TMEM132B: variants seen among roughly 807,000 people sequenced by gnomAD.
TMEM132B encodes transmembrane protein 132B.
Under a neutral mutation model 90.8 loss-of-function variants are expected in TMEM132B, and 18 were observed. The ratio of observed to expected loss-of-function variants is 0.20; its 90% CI spans 0.14 to 0.29. The LOEUF is 0.29. TMEM132B is among the 10% of genes least tolerant of loss of function. The pLI is 1.00. For missense variants in TMEM132B, 1,096 were observed against 1,326.8 expected (o/e 0.83, Z 2.70); for synonymous variants, 504 against 523.3 (o/e 0.96, Z 0.50).
chr12:125,569,568 C>T (rs1385862730), intron 4 of TMEM132B, among the ~76,000 whole-genome samples: 2 of 152,152 alleles, frequency 1.3e-5, no homozygotes, highest in African/African-American at 4.8e-5. Context: ...ACTTAGGATG[C>T]AGGGGACATG....
At chr12:125,442,207 A>G (rs977685385) in intron 3 of TMEM132B, among the ~76,000 whole-genome samples, 2 of 152,264 alleles carry the variant, frequency 1.3e-5, no homozygotes, top group Non-Finnish European at 2.9e-5. Flanking sequence ...TTGCTGTGAA[A>G]TCTGCTGTCC....
At position 125,225,212 on chromosome 12, in the gene TMEM132B, G is replaced by A. The variant is rs143029050; in HGVS notation, c.67+38346G>A. On this transcript the variant is annotated intron_variant, in intron 1 of 8. Coordinates refer to ENST00000682704, the MANE Select transcript of TMEM132B (RefSeq NM_001366854.1). ...GCTGCCCAGGGCAGGGGCAGATGCA[G>A]TGATTCATGGTGTAACTTCCCTGGG... Among the ~76,000 whole-genome samples the A allele has an allele frequency of 4.9e-3, 748 of 152,366 alleles. 4 individuals carry two copies. Among genetic ancestry groups the A allele is most frequent in the African/African-American group, 0.017 (708 of 41,590 alleles).
intron 1 of TMEM132B, among the ~76,000 whole-genome samples, chr12:125,313,109 T>C (rs751176493): frequency 6.6e-6 from 1 of 152,198 alleles, no homozygotes; most frequent in Non-Finnish European, 1.5e-5. Context: ...TCTGGAATCT[T>C]GGGGCAAGCT....
In TMEM132B at chr12:125,288,819, T is replaced by C. The variant is rs144193974; in HGVS notation, c.68-60633T>C. Among the ~76,000 whole-genome samples the C allele has an allele frequency of 2.4e-4, 37 of 152,208 alleles. 1 individual carries two copies. The highest frequency in any genetic ancestry group is 8.2e-4 in the African/African-American group (34 of 41,536). On this transcript the variant is annotated intron_variant, in intron 1 of 8. Transcript: ENST00000682704. ...GCCAGATGTCCCCCTGGGGGCAAAA[T>C]CATCCCTGGTTGAGAACTTTTGTTT...
chr12:125,448,868 A>T (rs770230747), intron 3 of TMEM132B, among the ~76,000 whole-genome samples: 13 of 152,110 alleles, frequency 8.5e-5, no homozygotes, highest in Admixed American at 2.0e-4. Context: ...CCATCCTAGT[A>T]AGTATATAGG....
intron 3 of TMEM132B, among the ~76,000 whole-genome samples, chr12:125,453,908 A>T (rs1217799044): frequency 6.6e-6 from 1 of 151,982 alleles, no homozygotes; most frequent in East Asian, 1.9e-4. Context: ...GCCTTTTTGG[A>T]TTGTCCTGCC....
intron 3 of TMEM132B, among the ~76,000 whole-genome samples, chr12:125,511,860 A>AAAG (rs1300819169): frequency 4.0e-5 from 6 of 151,222 alleles, no homozygotes; most frequent in Non-Finnish European, 5.9e-5. Context: ...TCAAAAAAAA[A>AAAG]AAAAAAAAGA....
At chr12:125,509,786 G>A (rs999374922) in intron 3 of TMEM132B, among the ~76,000 whole-genome samples, 1 of 152,176 alleles carries the variant, frequency 6.6e-6, no homozygotes, top group Non-Finnish European at 1.5e-5. Flanking sequence ...AGCTGCGAAT[G>A]TTTGCCTCGG....
chr12:125,604,376 C>T (rs963979802), intron 5 of TMEM132B, among the ~76,000 whole-genome samples: 11 of 141,968 alleles, frequency 7.7e-5, no homozygotes, highest in African/African-American at 2.9e-4. Context: ...TGTTTTCACT[C>T]ATAAGTGGGA....
At chr12:125,560,688 G>A (rs1187928929) in intron 4 of TMEM132B, among the ~76,000 whole-genome samples, 9 of 152,006 alleles carry the variant, frequency 5.9e-5, no homozygotes, top group South Asian at 2.1e-4. Flanking sequence ...AGCCGGGCGC[G>A]GTGGCGGGTG....
chr12:125,436,924 G>A (rs1441668328), intron 3 of TMEM132B, among the ~76,000 whole-genome samples: 2 of 152,170 alleles, frequency 1.3e-5, no homozygotes, highest in African/African-American at 4.8e-5. Flanking sequence ...TCTGCCACCT[G>A]CAAGTGTCCT....
rs200168087 is a variant in TMEM132B, at chr12:125,376,278, CT to C, written c.959+25944del. 4.5e-3 allele frequency among the ~76,000 whole-genome samples: 680 copies of C among 151,682 alleles called. 5 individuals carry two copies. The highest frequency in any genetic ancestry group is 0.015 in the African/African-American group (637 of 41,328). ...CTTCTCTTTATGGAAATTGATATTG[CT>C]TTTTTTTTCCACTTCAAGTGCTGAT... On this transcript the variant is annotated intron_variant, in intron 2 of 8. Transcript: ENST00000682704.
rs934059382 is a variant in TMEM132B, at chr12:125,659,944, C to A, written c.*5234C>A. On this transcript the variant is annotated 3_prime_UTR_variant, in exon 9 of 9. Transcript: ENST00000682704. ...GTAACTGTTTTGCACTAACAGCTTC[C>A]TCCTTGTCTTTTCCCTGGGAACATG... The A allele has an allele frequency of 1.3e-5, 2 of 152,260 alleles. No homozygotes were observed. The highest frequency in any genetic ancestry group is 1.3e-4 in the Admixed American group (2 of 15,282). The allele number at this position is 152,260 out of a possible 1,614,324, so 9.4% of individuals were successfully genotyped here.
At chr12:125,244,902 C>T (rs942866313) in intron 1 of TMEM132B, among the ~76,000 whole-genome samples, 31 of 152,270 alleles carry the variant, frequency 2.0e-4, no homozygotes, top group African/African-American at 6.3e-4. Flanking sequence ...GTCACCCCTG[C>T]CCCCACCATC....
chr12:125,595,419 GA>G (rs1156902718), intron 5 of TMEM132B, among the ~76,000 whole-genome samples: 1 of 152,122 alleles, frequency 6.6e-6, no homozygotes. Flanking sequence ...GGGATTTGGG[GA>G]AATTTGCTTT....
At chr12:125,540,002 T>C (rs1304647083) in intron 4 of TMEM132B, among the ~76,000 whole-genome samples, 1 of 152,220 alleles carries the variant, frequency 6.6e-6, no homozygotes, top group Non-Finnish European at 1.5e-5. Context: ...TAAGTTCTCA[T>C]AAGTTGTATT....
intron 5 of TMEM132B, chr12:125,622,581 C>T: frequency 1.0e-6 from 1 of 985,464 alleles, no homozygotes; most frequent in Non-Finnish European, 1.2e-6. Context: ...CTCAGCCTGA[C>T]TGTGTTCTTA....
chr12:125,492,855 G>T lies in TMEM132B; in HGVS notation c.1107-26584G>T. On this transcript the variant is annotated intron_variant, in intron 3 of 8. Transcript: ENST00000682704. This position sits in a 1 kb window ranked among gnomAD's most constrained non-coding sequence, Gnocchi z 5.8. ...AGACACAGCGCCAACCAAAGGCTCA[G>T]TTCCACCCTCAAGAGCTTGCAGTCC... Among the ~76,000 whole-genome samples the T allele has an allele frequency of 6.6e-6, 1 of 152,180 alleles. No individual in the cohort carries two copies. Among genetic ancestry groups the T allele is most frequent in the East Asian group, 1.9e-4 (1 of 5,192 alleles).
At chr12:125,328,907 G>A (rs1876676815) in intron 1 of TMEM132B, among the ~76,000 whole-genome samples, 1 of 152,156 alleles carries the variant, frequency 6.6e-6, no homozygotes, top group South Asian at 2.1e-4. Context: ...ACTCTGTGAG[G>A]ACAGGGCTGC....
Sources: gnomAD v4.1 joint callset for allele counts (sites outside exome capture counted in the v4.1 genomes callset) on GRCh38, gnomAD v4.1.1 for gene constraint, Gnocchi (gnomAD v3.1) non-coding constraint, MANE v1.5 for transcripts, NCBI Gene and HGNC (gene_info 2026-07-23, HGNC 2026-07-21) for gene names.